Variants in EIF5B observed in about 807,000 individuals in gnomAD.
The protein encoded by EIF5B is eukaryotic translation initiation factor 5B, also known as eIF-5B.
A neutral mutation model predicts 147.5 loss-of-function variants in EIF5B; 47 were observed. The ratio of observed to expected loss-of-function variants is 0.32; its 90% CI spans 0.25 to 0.41. EIF5B has a LOEUF of 0.41. Ranked by LOEUF, EIF5B falls within the 10% of genes least tolerant of loss-of-function variation. The pLI is 1.00. For missense variants in EIF5B, 1,064 were observed against 1,413.2 expected (o/e 0.75, Z 3.96); for synonymous variants, 455 against 456.2 (o/e 1.00, Z 0.03).
rs1265820029 is a variant in EIF5B at position 99,361,244 on chromosome 2, G to T, written c.343G>T (p.Glu115Ter). The T allele has an allele frequency of 6.2e-7, 1 of 1,612,124 alleles. No individual in the cohort carries two copies. Among genetic ancestry groups the T allele is most frequent in the Non-Finnish European group, 8.5e-7 (1 of 1,179,504 alleles). ...KQSFDDNDSE[E>*]LEDKDSKSKK... ...GAGTTTTGATGATAATGATAGCGAA[G>T]AATTGGAAGATAAAGATTCAAAATC... The change falls in exon 4 of 24, where the codon GAA becomes TAA. Residue 115 changes from glutamate (E) to a stop codon, truncating the protein, a stop_gained. Coordinates refer to ENST00000289371, the MANE Select transcript of EIF5B (RefSeq NM_015904.4). LOFTEE classifies it high-confidence loss of function.
In EIF5B at chr2:99,361,687, T is replaced by G. The variant is rs1476829936; in HGVS notation, c.786T>G (p.Gly262=). The change falls in exon 4 of 24, where the codon GGT becomes GGG. Residue 262 remains glycine (G), a synonymous_variant. Transcript: ENST00000289371. ...AAGAAAAAGAAGAGTTAGAAACAGG[T>G]AAAAAGGATCAGAGTAAACAAAAGG... The part of the protein sequence containing the change: ...KLKEKEELET[G]KKDQSKQKES... 1 of 1,600,470 alleles carries G rather than the reference T, an allele frequency of 6.2e-7. No homozygotes were observed. The highest frequency in any genetic ancestry group is 1.4e-5 in the African/African-American group (1 of 73,612).
chr2:99,361,672 A>C lies in EIF5B; in HGVS notation c.771A>C (p.Glu257Asp). ...AACTGCGGAAGCTGAAAGAAAAAGAAGAGTTAGAAACAGGTAAAAAGGATC... is the reference window on the plus strand; with the variant it reads ...AACTGCGGAAGCTGAAAGAAAAAGACGAGTTAGAAACAGGTAAAAAGGATC... ...KAKLRKLKEK[E>D]ELETGKKDQS... is the part of the protein sequence containing the mutation. Residue 257 changes from glutamate to aspartate, a missense_variant, in exon 4 of 24, where the codon GAA (glutamate) becomes GAC (aspartate). By Grantham distance (45) the Glu-to-Asp change is conservative. This residue lies in a region of EIF5B where 458 missense variants were observed against 451.3 expected (regional missense o/e 1.01). Coordinates refer to ENST00000289371, the MANE Select transcript of EIF5B (RefSeq NM_015904.4). 6.3e-7 allele frequency: 1 copy of C among 1,598,652 alleles called. No homozygotes were observed. The highest frequency in any genetic ancestry group is 8.5e-7 in the Non-Finnish European group (1 of 1,176,512).
chr2:99,398,857 C>A lies in EIF5B; in HGVS notation c.3503C>A (p.Ser1168Ter). 1 of 1,613,968 alleles carries A rather than the reference C, an allele frequency of 6.2e-7. No individual in the cohort carries two copies. Among genetic ancestry groups the A allele is most frequent in the South Asian group, 1.1e-5 (1 of 90,962 alleles). Residue 1168 changes from serine (S) to a stop codon, truncating the protein, a stop_gained, in exon 23 of 24, where the codon TCA becomes TAA. Transcript: ENST00000289371. LOFTEE classifies it high-confidence loss of function. ...CVKIEPIPGE[S>*]PKMFGRHFEA... ...AAAATAGAACCTATCCCTGGTGAGT[C>A]ACCCAAAATGTTTGGAAGACATTTT...
intron 14 of EIF5B, among the ~76,000 whole-genome samples, chr2:99,384,199 A>AAAAAAAAAAAT (rs1448089816): frequency 1.3e-5 from 2 of 151,038 alleles, no homozygotes; most frequent in African/African-American, 4.9e-5. Context: ...TCCGTCTCAA[A>AAAAAAAAAAAT]AAAAAAAAGA....
chr2:99,352,821 A>T (rs1674000071), intron 1 of EIF5B, among the ~76,000 whole-genome samples: 1 of 151,468 alleles, frequency 6.6e-6, no homozygotes, highest in Admixed American at 6.6e-5. Context: ...TTATTTCAAG[A>T]TTATTATAGA....
chr2:99,338,736 G>A (rs1464073667), intron 1 of EIF5B, among the ~76,000 whole-genome samples: 1 of 151,920 alleles, frequency 6.6e-6, no homozygotes. Context: ...TGATGTAGGG[G>A]AACACAAATT....
chr2:99,394,412 A>G lies in EIF5B; in HGVS notation c.3012+14A>G, dbSNP rs1210859978. The stretch of plus-strand genomic sequence containing the variant: ...TCAGAAGTGCCCGTAAGTAACTACA[A>G]CTCGCTCCACAAGTGAATGGTGGTT... On this transcript the variant is annotated intron_variant, in intron 19 of 23. Transcript: ENST00000289371. 4.3e-6 allele frequency: 7 copies of G among 1,613,644 alleles called. No homozygotes were observed. The highest frequency in any genetic ancestry group is 3.3e-5 in the South Asian group (3 of 91,044).
intron 10 of EIF5B, 106 bp from the exon 11 acceptor site, chr2:99,378,913 T>C: frequency 1.2e-6 from 1 of 803,942 alleles, no homozygotes; most frequent in Non-Finnish European, 1.9e-6. Flanking sequence ...ACAAAGAACT[T>C]GGATGCAGGT....
chr2:99,369,784 G>A (rs1674405942), intron 8 of EIF5B, among the ~76,000 whole-genome samples: 1 of 152,162 alleles, frequency 6.6e-6, no homozygotes, highest in Non-Finnish European at 1.5e-5. Context: ...AGACCATCCT[G>A]GCTAACACGG....
Position 99,382,849 on chromosome 2 carries a change from G to A in EIF5B, c.2199G>A (p.Leu733=), listed in dbSNP as rs1210527606. The A allele has an allele frequency of 6.2e-7, 1 of 1,612,140 alleles. No individual in the cohort carries two copies. Among genetic ancestry groups the A allele is most frequent in the South Asian group, 1.1e-5 (1 of 90,728 alleles). ...AILVVDIMHG[L]EPQTIESINL... ...TAGTTGTTGATATTATGCATGGTTT[G>A]GAGCCCCAGACAATTGAGTCTATCA... Residue 733 remains leucine (L), a synonymous_variant, in exon 14 of 24, where the codon TTG becomes TTA. Transcript: ENST00000289371.
rs189026693 is a variant in EIF5B, at chr2:99,401,146, A to G, written c.*1732A>G. ...CTTGCTTTAAAAGAAATTTAAAATTATAAAAACTCCGAGCATTACTATCAT... is the reference window on the plus strand; with the variant it reads ...CTTGCTTTAAAAGAAATTTAAAATTGTAAAAACTCCGAGCATTACTATCAT... On this transcript the variant is annotated 3_prime_UTR_variant, in exon 24 of 24. Transcript: ENST00000289371. The G allele has an allele frequency of 2.4e-4, 157 of 662,996 alleles. No homozygotes were observed. The East Asian group carries it at 4.0e-3, about 17-fold the overall frequency. 41.1% of individuals were successfully genotyped at this position (662,996 alleles called of 1,614,324 possible). A position where few individuals can be genotyped will look rare whatever the true frequency, so the allele number is the denominator to read the frequency against.
At chr2:99,367,242 A>G (rs1674346071) in intron 6 of EIF5B, among the ~76,000 whole-genome samples, 1 of 152,184 alleles carries the variant, frequency 6.6e-6, no homozygotes, top group African/African-American at 2.4e-5. Flanking sequence ...TCCAAGTCAG[A>G]TATCTGAGAA....
chr2:99,389,299 ATAAT>A (rs1674874461), intron 14 of EIF5B, among the ~76,000 whole-genome samples: 1 of 152,236 alleles, frequency 6.6e-6, no homozygotes. Context: ...GAGCAATAAA[ATAAT>A]TAAAATAGGC....
intron 1 of EIF5B, among the ~76,000 whole-genome samples, chr2:99,354,810 T>C (rs1486709453): frequency 4.1e-5 from 6 of 146,996 alleles, no homozygotes; most frequent in East Asian, 2.0e-4. Context: ...TTTTTTTTTT[T>C]TTTTTTTTTT....
intron 8 of EIF5B, among the ~76,000 whole-genome samples, chr2:99,370,743 G>C (rs1674429632): frequency 6.6e-6 from 1 of 152,192 alleles, no homozygotes; most frequent in African/African-American, 2.4e-5. Context: ...TTTAAGAATA[G>C]TTGTGCCTGG....
At position 99,394,849 on chromosome 2, in the gene EIF5B, C is replaced by G. The variant is rs1417197202; in HGVS notation, c.3220C>G (p.Gln1074Glu). 11 of 1,592,684 alleles carry G rather than the reference C, an allele frequency of 6.9e-6. No homozygotes were observed. Among genetic ancestry groups the G allele is most frequent in the Non-Finnish European group, 9.4e-6 (11 of 1,169,638 alleles). Residue 1074 changes from glutamine to glutamate, a missense_variant, in exon 21 of 24, where the codon CAA (glutamine) becomes GAA (glutamate). Coordinates refer to ENST00000289371, the MANE Select transcript of EIF5B (RefSeq NM_015904.4). ...ATTTGATGCCTTTACAAAATATAGA[C>G]AAGACTACAAGAAACAGAAACAAGA... ...HLFDAFTKYR[Q>E]DYKKQKQEEF...
At chr2:99,338,937 TACAAATATATATACACAC>T (rs2094251318) in intron 1 of EIF5B, among the ~76,000 whole-genome samples, 1 of 134,684 alleles carries the variant, frequency 7.4e-6, no homozygotes, top group Non-Finnish European at 1.6e-5. Context: ...TATATATATA[TACAAATATATATACACAC>T]ATATATATAA....
intron 1 of EIF5B, among the ~76,000 whole-genome samples, chr2:99,348,670 A>G (rs1331972328): frequency 2.0e-5 from 3 of 152,152 alleles, no homozygotes; most frequent in Non-Finnish European, 4.4e-5. Context: ...TTTGGCGGAG[A>G]GGGGCAGAAG....
intron 18 of EIF5B, among the ~76,000 whole-genome samples, chr2:99,393,541 C>G (rs1233163055): frequency 6.6e-6 from 1 of 151,944 alleles, no homozygotes; most frequent in Non-Finnish European, 1.5e-5. Context: ...TCTTTTTGGC[C>G]CATGTCCATT....
Sources: allele counts gnomAD v4.1 joint callset (sites outside exome capture counted in the v4.1 genomes callset), GRCh38; gene constraint gnomAD v4.1.1; regional missense constraint gnomAD v4.1.1; transcripts MANE v1.5; gene names NCBI Gene and HGNC (gene_info 2026-07-23, HGNC 2026-07-21).